Variants in HAVCR2 observed in about 807,000 individuals in gnomAD.
HAVCR2 encodes T cell immunoglobulin mucin 3.
Under a neutral mutation model 24.7 loss-of-function variants are expected in HAVCR2, and 13 were observed. The ratio of observed to expected loss-of-function variants is 0.53; its 90% CI spans 0.34 to 0.84. The LOEUF (loss-of-function observed/expected upper bound fraction) is 0.84, where lower values mean the gene tolerates loss of function less well. HAVCR2 is among the 40% of genes least tolerant of loss of function. The pLI, the probability that HAVCR2 is intolerant of heterozygous loss-of-function variation, is 0.01. For missense variants in HAVCR2, 343 were observed against 371.2 expected, an observed-to-expected ratio of 0.92 and a Z score of 0.62; for synonymous variants, 154 against 143.4, an observed-to-expected ratio of 1.07 and a Z score of -0.53.
In HAVCR2 at chr5:157,106,763, C is replaced by G; in HGVS notation, c.258G>C (p.Gly86=). The G allele has an allele frequency of 6.2e-7, 1 of 1,614,138 alleles. No individual in the cohort carries two copies. The highest frequency in any genetic ancestry group is 2.2e-5 in the East Asian group (1 of 44,874). Residue 86 remains glycine (G), a synonymous_variant, in exon 2 of 7, where the codon GGG becomes GGC. Coordinates refer to ENST00000307851, the MANE Select transcript of HAVCR2 (RefSeq NM_032782.5). ...NYWTSRYWLN[G]DFRKGDVSLT... Reference sequence around the variant, plus strand: ...GGGACACATCTCCTTTGCGGAAATCCCCATTTAGCCAGTATCTGGATGTCC... The same window carrying G: ...GGGACACATCTCCTTTGCGGAAATCGCCATTTAGCCAGTATCTGGATGTCC...
In HAVCR2 at chr5:157,095,325, GAAGAT is replaced by G. The variant is rs765341404; in HGVS notation, c.652_656del (p.Ile218ArgfsTer11). ...ACTTACATTTGAAAATTAAAGCGCC[GAAGAT>G]AAGAGCCAGAGCCAGCCCAGCACAG... On this transcript the variant is annotated frameshift_variant, in exon 5 of 7. Coordinates refer to ENST00000307851, the MANE Select transcript of HAVCR2 (RefSeq NM_032782.5). LOFTEE classifies it high-confidence loss of function. 1.3e-5 allele frequency: 21 copies of G among 1,613,504 alleles called. No homozygotes were observed. The highest frequency in any genetic ancestry group is 1.8e-5 in the Non-Finnish European group (21 of 1,179,894).
intron 2 of HAVCR2, chr5:157,104,954 G>A (rs1311073959): frequency 8.8e-6 from 3 of 339,356 alleles, no homozygotes; most frequent in African/African-American, 6.4e-5. Flanking sequence ...AGTCATCATT[G>A]TTACATTCTG....
At chr5:157,105,766 T>C (rs1181579796) in intron 2 of HAVCR2, among the ~76,000 whole-genome samples, 5 of 152,228 alleles carry the variant, frequency 3.3e-5, no homozygotes, top group Admixed American at 1.3e-4. Context: ...CAGTTCACCA[T>C]GCTGGCTGCA....
rs56297764 is a variant in HAVCR2 at position 157,088,488 on chromosome 5, A to G, written c.713+453T>C. Reference sequence around the variant, plus strand: ...TCAGTTGCTCTGGGGTTGGCCCTGCATTAGTACACTTCAGTGCCTGGGTGA... The same window carrying G: ...TCAGTTGCTCTGGGGTTGGCCCTGCGTTAGTACACTTCAGTGCCTGGGTGA... On this transcript the variant is annotated intron_variant, in intron 6 of 6. Transcript: ENST00000307851. Among the ~76,000 whole-genome samples, 4 of 152,196 alleles carry G rather than the reference A, an allele frequency of 2.6e-5. No individual in the cohort carries two copies. In the East Asian group the frequency reaches 7.7e-4, roughly 29 times the overall value.
chr5:157,094,725 A>G (rs1234124194), intron 5 of HAVCR2, among the ~76,000 whole-genome samples: 1 of 151,106 alleles, frequency 6.6e-6, no homozygotes, highest in African/African-American at 2.4e-5. Context: ...AAAAAAAAAA[A>G]GGGATAAGTA....
At position 157,087,185 on chromosome 5, in the gene HAVCR2, C is replaced by T. The variant is rs760366405; in HGVS notation, c.823G>A (p.Glu275Lys). 1.9e-6 allele frequency: 3 copies of T among 1,614,108 alleles called. No homozygotes were observed. In the Admixed American group the frequency reaches 5.0e-5, roughly 27 times the overall value. The change falls in exon 7 of 7, where the codon GAG (glutamate) becomes AAG (lysine). Residue 275 changes from glutamate to lysine, a missense_variant. Transcript: ENST00000307851. ...TAGCAATAATACTCATTGGGCTCCTCCACTTCATATACGTTCTCTTCAATG... is the reference window on the plus strand; with the variant it reads ...TAGCAATAATACTCATTGGGCTCCTTCACTTCATATACGTTCTCTTCAATG... ...YTIEENVYEV[E>K]EPNEYYCYVS... is the part of the protein sequence containing the mutation.
chr5:157,098,728 G>C (rs1757128057), intron 4 of HAVCR2, 130 bp downstream of exon 4: 1 of 776,270 alleles, frequency 1.3e-6, no homozygotes, highest in Non-Finnish European at 2.2e-6. Flanking sequence ...ACATGTTACA[G>C]CCCAGGAATC....
intron 4 of HAVCR2, among the ~76,000 whole-genome samples, chr5:157,097,815 C>T (rs1757112604): frequency 1.3e-5 from 2 of 151,608 alleles, no homozygotes; most frequent in Non-Finnish European, 2.9e-5. Flanking sequence ...GTTGACCAGG[C>T]TGGTCTCAAA....
At chr5:157,093,869 C>T (rs896500894) in intron 5 of HAVCR2, among the ~76,000 whole-genome samples, 3 of 152,128 alleles carry the variant, frequency 2.0e-5, no homozygotes, top group Middle Eastern at 6.8e-3. Context: ...CACTTGAACC[C>T]GGGAGGCAGA....
Position 157,106,617 on chromosome 5 carries a change from G to A in HAVCR2, c.394+10C>T, listed in dbSNP as rs746055936. The A allele has an allele frequency of 6.2e-7, 1 of 1,602,288 alleles. No individual in the cohort carries two copies. Among genetic ancestry groups the A allele is most frequent in the Non-Finnish European group, 8.6e-7 (1 of 1,169,324 alleles). ...TTATTCATAAAGATGGCATGCAAAT[G>A]TCCACTCACCTGGTTTGATGACCAA... On this transcript the variant is annotated intron_variant, in intron 2 of 6. Transcript: ENST00000307851.
chr5:157,087,549 G>A (rs900365909), intron 6 of HAVCR2, among the ~76,000 whole-genome samples: 1 of 152,006 alleles, frequency 6.6e-6, no homozygotes, highest in East Asian at 1.9e-4. Context: ...TTTATTTCTC[G>A]GAGGTGCAGG....
intron 2 of HAVCR2, 192 bp from the exon 3 acceptor site, chr5:157,104,941 T>C (rs2113694669): frequency 4.9e-6 from 2 of 406,434 alleles, no homozygotes; most frequent in Middle Eastern, 6.9e-4. Flanking sequence ...AAAGGTAAGA[T>C]GCAGTCATCA....
intron 5 of HAVCR2, among the ~76,000 whole-genome samples, chr5:157,090,989 G>A (rs569391700): frequency 9.2e-5 from 14 of 152,198 alleles, no homozygotes; most frequent in African/African-American, 3.1e-4. Context: ...GACGATAGGC[G>A]TGCACCACCA....
Position 157,106,843 on chromosome 5 carries a change from C to T in HAVCR2, c.178G>A (p.Val60Met). Residue 60 changes from valine (V) to methionine (M), a missense_variant, in exon 2 of 7, where the codon GTG (valine) becomes ATG (methionine). Transcript: ENST00000307851. ...AGCACCACGTTGCCACATTCAAACA[C>T]AGGACAGGCTCCTTTGCCCCAGCAG... is the stretch of plus-strand genomic sequence containing the variant. Reference protein sequence around the residue: ...PVCWGKGACPVFECGNVVLRT... With the variant: ...PVCWGKGACPMFECGNVVLRT... 2 of 1,614,204 alleles carry T rather than the reference C, an allele frequency of 1.2e-6. No individual in the cohort carries two copies. The highest frequency in any genetic ancestry group is 1.7e-6 in the Non-Finnish European group (2 of 1,180,034).
At chr5:157,087,356 A>C (rs1444301324) in intron 6 of HAVCR2, 62 bp from the exon 7 acceptor site, 1 of 1,415,392 alleles carries the variant, frequency 7.1e-7, no homozygotes, top group Non-Finnish European at 9.6e-7. Context: ...AATAGAGTTA[A>C]GAGAATAGGC....
At position 157,104,731 on chromosome 5, in the gene HAVCR2, G is replaced by A. The variant is rs778241292; in HGVS notation, c.413C>T (p.Pro138Leu). 13 of 1,598,002 alleles carry A rather than the reference G, an allele frequency of 8.1e-6. No individual in the cohort carries two copies. The highest frequency in any genetic ancestry group is 1.7e-4 in the Middle Eastern group (1 of 6,046). ...TGCAGTGAAGTCTCTCTGCCGAGTC[G>A]GTGCAGGGGTGACCTTGGCTAATGT... Reference protein sequence around the residue: ...VIKPAKVTPAPTRQRDFTAAF... With the variant: ...VIKPAKVTPALTRQRDFTAAF... The change falls in exon 3 of 7, where the codon CCG (proline) becomes CTG (leucine). Residue 138 changes from proline to leucine, a missense_variant. Transcript: ENST00000307851.
intron 5 of HAVCR2, among the ~76,000 whole-genome samples, chr5:157,092,520 C>T (rs563079687): frequency 6.6e-6 from 1 of 151,956 alleles, no homozygotes; most frequent in Non-Finnish European, 1.5e-5. Context: ...GATCTCAGCT[C>T]ACTGCAACCT....
intron 4 of HAVCR2, among the ~76,000 whole-genome samples, chr5:157,098,277 C>T (rs1349743895): frequency 6.6e-6 from 1 of 152,016 alleles, no homozygotes. Flanking sequence ...TGTGGTGGCT[C>T]ATGCCTGTAA....
chr5:157,096,288 A>G (rs182279092), intron 4 of HAVCR2, among the ~76,000 whole-genome samples: 2 of 151,716 alleles, frequency 1.3e-5, no homozygotes, highest in African/African-American at 2.4e-5. Flanking sequence ...GTAATCCTGT[A>G]GAGTTATCAG....
Sources: gnomAD v4.1 joint callset for allele counts (sites outside exome capture counted in the v4.1 genomes callset) on GRCh38, gnomAD v4.1.1 for gene constraint, MANE v1.5 for transcripts, NCBI Gene and HGNC (gene_info 2026-07-23, HGNC 2026-07-21) for gene names.